Variants in CAMKMT observed in about 807,000 individuals in gnomAD.
CAMKMT encodes the protein CaM KMT.
CAMKMT carries 53 observed loss-of-function variants against 48.0 expected under a neutral mutation model. The observed-to-expected ratio is 1.10, with a 90% CI of 0.89 to 1.39. The LOEUF (loss-of-function observed/expected upper bound fraction) is 1.39. CAMKMT is among the 40% of genes most tolerant of loss of function. The pLI, the probability that CAMKMT is intolerant of heterozygous loss-of-function variation, is 0.00. For synonymous variants in CAMKMT, 165 were observed against 152.3 expected (o/e 1.08, Z -0.61); for missense variants, 428 against 402.7 (o/e 1.06, Z -0.54).
intron 7 of CAMKMT, among the ~76,000 whole-genome samples, chr2:44,721,934 C>T (rs1678484600): frequency 6.6e-6 from 1 of 152,162 alleles, no homozygotes; most frequent in Non-Finnish European, 1.5e-5. Context: ...GCTAGGCAAC[C>T]ACTGATCTAT....
At chr2:44,385,947 T>C (rs975217483) in intron 2 of CAMKMT, among the ~76,000 whole-genome samples, 3 of 152,150 alleles carry the variant, frequency 2.0e-5, no homozygotes, top group African/African-American at 7.2e-5. Flanking sequence ...TTTTTGGTTA[T>C]GTCTGTCCCT....
chr2:44,646,684 C>G (rs967434079), intron 3 of CAMKMT, among the ~76,000 whole-genome samples: 2 of 152,124 alleles, frequency 1.3e-5, no homozygotes, highest in Non-Finnish European at 2.9e-5. Flanking sequence ...AACCATGAAT[C>G]TCAATAATCT....
In CAMKMT at chr2:44,563,260, A is replaced by G. The variant is rs1464555097; in HGVS notation, c.377-141023A>G. Among the ~76,000 whole-genome samples the G allele has an allele frequency of 1.3e-5, 2 of 151,698 alleles. 1 individual carries two copies. The highest frequency in any genetic ancestry group is 2.9e-5 in the Non-Finnish European group (2 of 67,886). The stretch of plus-strand genomic sequence containing the variant: ...CAAATTTTTGTTTCTTTCTTAAAAA[A>G]AGGATTATACTACCTGTACTGTTTT... On this transcript the variant is annotated intron_variant, in intron 3 of 10. Transcript: ENST00000378494.
At chr2:44,695,270 A>G (rs1676874862) in intron 3 of CAMKMT, among the ~76,000 whole-genome samples, 1 of 152,198 alleles carries the variant, frequency 6.6e-6, no homozygotes, top group Admixed American at 6.5e-5. Flanking sequence ...TTCATCACCC[A>G]GTTAATAACC....
At chr2:44,584,860 C>G (rs1572855723) in intron 3 of CAMKMT, among the ~76,000 whole-genome samples, 1 of 152,014 alleles carries the variant, frequency 6.6e-6, no homozygotes, top group South Asian at 2.1e-4. Flanking sequence ...CAAGACTATC[C>G]TGGCTAACGT....
At chr2:44,763,098 C>G (rs753684130) in intron 9 of CAMKMT, among the ~76,000 whole-genome samples, 16 of 152,084 alleles carry the variant, frequency 1.1e-4, no homozygotes, top group Non-Finnish European at 1.9e-4. Context: ...TAAACCCATT[C>G]ATTATGGGGA....
intron 3 of CAMKMT, among the ~76,000 whole-genome samples, chr2:44,644,500 CAACTCCAAAGAGTCA>C (rs1486973516): frequency 1.3e-5 from 2 of 152,166 alleles, no homozygotes; most frequent in Non-Finnish European, 2.9e-5. Context: ...CTTTCTCAAT[CAACTCCAAAGAGTCA>C]AAAGTGATTA....
At chr2:44,508,984 T>C (rs1310945282) in intron 3 of CAMKMT, among the ~76,000 whole-genome samples, 1 of 151,808 alleles carries the variant, frequency 6.6e-6, no homozygotes, top group Admixed American at 6.6e-5. Context: ...TAGTCCCAGC[T>C]ACTCGGGAGG....
chr2:44,583,836 CA>C (rs942042314), intron 3 of CAMKMT, among the ~76,000 whole-genome samples: 1,789 of 151,728 alleles, frequency 0.012, 44 homozygotes, highest in African/African-American at 0.042. Flanking sequence ...AGGAAGGAGA[CA>C]AAAAATAAAA....
chr2:44,434,094 CA>C (rs1321692386), intron 3 of CAMKMT, among the ~76,000 whole-genome samples: 2 of 152,118 alleles, frequency 1.3e-5, no homozygotes, highest in East Asian at 3.8e-4. Flanking sequence ...ACGTATTTCA[CA>C]AAGAAAAGAT....
At chr2:44,689,862 G>A (rs1045761549) in intron 3 of CAMKMT, among the ~76,000 whole-genome samples, 2 of 152,222 alleles carry the variant, frequency 1.3e-5, no homozygotes, top group Non-Finnish European at 2.9e-5. Context: ...TTGTTACACT[G>A]AGGAGAAGGA....
chr2:44,564,322 G>A (rs759472841), intron 3 of CAMKMT, among the ~76,000 whole-genome samples: 16 of 150,940 alleles, frequency 1.1e-4, no homozygotes, highest in South Asian at 2.1e-4. Context: ...TTACAGGAGC[G>A]CGCCACTATG....
In CAMKMT at chr2:44,652,628, C is replaced by T. The variant is rs890893029; in HGVS notation, c.377-51655C>T. On this transcript the variant is annotated intron_variant, in intron 3 of 10. Transcript: ENST00000378494. The stretch of plus-strand genomic sequence containing the variant: ...GCCTCCCCCTCTCCAAAGTAACAAG[C>T]GCATGCACACACGTGCGTACAGACA... Among the ~76,000 whole-genome samples, 4 of 152,184 alleles carry T rather than the reference C, an allele frequency of 2.6e-5. No individual in the cohort carries two copies. The South Asian group carries it at 6.2e-4, about 24-fold the overall frequency.
At chr2:44,543,753 A>T (rs1056194607) in intron 3 of CAMKMT, among the ~76,000 whole-genome samples, 16 of 152,200 alleles carry the variant, frequency 1.1e-4, no homozygotes, top group African/African-American at 2.9e-4. Flanking sequence ...TTTACACAAC[A>T]TAGTTGATGT....
intron 3 of CAMKMT, among the ~76,000 whole-genome samples, chr2:44,520,779 T>C (rs1234402188): frequency 6.6e-6 from 1 of 152,158 alleles, no homozygotes; most frequent in African/African-American, 2.4e-5. Context: ...GTGGAGGTAA[T>C]TGGATCATGG....
intron 3 of CAMKMT, among the ~76,000 whole-genome samples, chr2:44,519,155 C>G (rs191033208): frequency 6.6e-6 from 1 of 152,328 alleles, no homozygotes; most frequent in African/African-American, 2.4e-5. Flanking sequence ...TAATAGAGTG[C>G]TAGCAAAGTT....
chr2:44,424,515 A>G lies in CAMKMT; in HGVS notation c.376+34210A>G, dbSNP rs377646427. On this transcript the variant is annotated intron_variant, in intron 3 of 10. Transcript: ENST00000378494. ...AATGTTTCCTCATACAATATCTGGAATCTATAGATAACACAAGCAGTTAGG... is the reference window on the plus strand; with the variant it reads ...AATGTTTCCTCATACAATATCTGGAGTCTATAGATAACACAAGCAGTTAGG... Among the ~76,000 whole-genome samples, 89 of 152,320 alleles carry G rather than the reference A, an allele frequency of 5.8e-4. 1 individual carries two copies. In the South Asian group the frequency reaches 0.018, roughly 30 times the overall value.
intron 3 of CAMKMT, among the ~76,000 whole-genome samples, chr2:44,407,294 TAGA>T (rs1018601156): frequency 1.3e-5 from 2 of 152,192 alleles, no homozygotes; most frequent in African/African-American, 4.8e-5. Flanking sequence ...TGAGCCTCTC[TAGA>T]AGTAGACTGT....
At chr2:44,754,252 G>A in intron 9 of CAMKMT, 134 bp downstream of exon 9, 2 of 674,386 alleles carry the variant, frequency 3.0e-6, no homozygotes, top group Non-Finnish European at 2.5e-6. Flanking sequence ...AACTTCAATT[G>A]GGTCTTCTGA....
Sources: gnomAD v4.1 joint callset for allele counts (sites outside exome capture counted in the v4.1 genomes callset) on GRCh38, gnomAD v4.1.1 for gene constraint, MANE v1.5 for transcripts, NCBI Gene and HGNC (gene_info 2026-07-23, HGNC 2026-07-21) for gene names.